Variants in KCMF1 observed in about 807,000 individuals in gnomAD.
KCMF1 encodes the protein E3 ubiquitin-protein ligase KCMF1.
Under a neutral mutation model 41.1 loss-of-function variants are expected in KCMF1, and 3 were observed. That is an observed-to-expected ratio of 0.07 (90% CI 0.03 to 0.19). KCMF1 has a LOEUF of 0.19. Ranked by LOEUF, KCMF1 falls within the 10% of genes least tolerant of loss-of-function variation. The probability of loss-of-function intolerance (pLI) is 1.00; values close to 1 mark genes in which losing one functional copy is unlikely to be tolerated. For missense variants in KCMF1, 286 were observed against 488.9 expected (o/e 0.58, Z 3.91); for synonymous variants, 142 against 164.5 (o/e 0.86, Z 1.04).
At chr2:85,046,051 A>AT (rs1217124716) in intron 4 of KCMF1, 53 bp from the exon 5 acceptor site, 30 of 1,459,140 alleles carry the variant, frequency 2.1e-5, no homozygotes, top group East Asian at 2.3e-5. Flanking sequence ...GACTCAGGTG[A>AT]TTTTTTTTCT....
intron 6 of KCMF1, 69 bp from the exon 7 acceptor site, chr2:85,053,079 G>A (rs1346582236): frequency 6.3e-6 from 9 of 1,420,822 alleles, no homozygotes; most frequent in African/African-American, 1.4e-5. Context: ...GGAGAGCACT[G>A]TAGAAATTGG....
chr2:85,027,501 A>G (rs1402529071), intron 1 of KCMF1, among the ~76,000 whole-genome samples: 4 of 150,176 alleles, frequency 2.7e-5, no homozygotes, highest in Admixed American at 6.7e-5. Flanking sequence ...CAGCCTCCCA[A>G]GTAGTTGGGA....
chr2:84,976,855 CT>C (rs1282729984), intron 1 of KCMF1, among the ~76,000 whole-genome samples: 2 of 151,852 alleles, frequency 1.3e-5, no homozygotes, highest in Non-Finnish European at 2.9e-5. Context: ...TTAGTCCCAA[CT>C]TTTTTTGTTT....
At chr2:85,040,493 C>T (rs1003015065) in intron 3 of KCMF1, among the ~76,000 whole-genome samples, 2 of 152,214 alleles carry the variant, frequency 1.3e-5, no homozygotes, top group African/African-American at 2.4e-5. Context: ...TCTCCTGCCC[C>T]GCTTTGCTCT....
chr2:84,982,406 T>TTTTTTTTTTTTTTTTTTTTTTTA (rs1673786258), intron 1 of KCMF1, among the ~76,000 whole-genome samples: 1 of 113,088 alleles, frequency 8.8e-6, no homozygotes, highest in Non-Finnish European at 1.9e-5. Flanking sequence ...TTTTTTTTTT[T>TTTTTTTTTTTTTTTTTTTTTTTA]TTTTTTTTTT....
intron 4 of KCMF1, among the ~76,000 whole-genome samples, chr2:85,044,178 C>T (rs1354208561): frequency 6.6e-6 from 1 of 152,086 alleles, no homozygotes; most frequent in Admixed American, 6.6e-5. Flanking sequence ...GCATTATTTG[C>T]TTTCCCTCTC....
chr2:85,059,080 A>AG lies in KCMF1; in HGVS notation c.*5673dup, dbSNP rs1404775073. 4 of 152,152 alleles carry AG rather than the reference A, an allele frequency of 2.6e-5. No homozygotes were observed. Among genetic ancestry groups the AG allele is most frequent in the African/African-American group, 9.7e-5 (4 of 41,444 alleles). 9.4% of individuals were successfully genotyped at this position (152,152 alleles called of 1,614,324 possible). ...CTCAGCCACTGTCGCTAGGGACTGA[A>AG]GGAGAGTTCATGGATTCTTACCCCC... On this transcript the variant is annotated 3_prime_UTR_variant, in exon 7 of 7. Coordinates refer to ENST00000409785, the MANE Select transcript of KCMF1 (RefSeq NM_020122.5).
At chr2:85,016,357 G>C (rs1008402817) in intron 1 of KCMF1, among the ~76,000 whole-genome samples, 1 of 151,874 alleles carries the variant, frequency 6.6e-6, no homozygotes, top group African/African-American at 2.4e-5. Flanking sequence ...AAAAATATGC[G>C]TATATAGAGT....
At chr2:84,980,611 A>G (rs1673710308) in intron 1 of KCMF1, among the ~76,000 whole-genome samples, 1 of 150,958 alleles carries the variant, frequency 6.6e-6, no homozygotes, top group Non-Finnish European at 1.5e-5. Context: ...AGTTCATCCA[A>G]TTCATATACA....
intron 4 of KCMF1, 130 bp from the exon 5 acceptor site, chr2:85,045,974 A>T: frequency 1.4e-6 from 1 of 729,368 alleles, no homozygotes; most frequent in East Asian, 2.7e-5. Context: ...GGACATTTGC[A>T]CTTTAAGTTA....
intron 1 of KCMF1, among the ~76,000 whole-genome samples, chr2:84,993,885 T>C (rs1011726104): frequency 1.4e-5 from 2 of 147,238 alleles, no homozygotes; most frequent in Admixed American, 6.9e-5. Context: ...CTACCCCCCA[T>C]TTTTGAGTTT....
intron 1 of KCMF1, among the ~76,000 whole-genome samples, chr2:85,008,335 AATATGATATATAATATATAAT>A (rs1674545110): frequency 6.7e-5 from 1 of 14,986 alleles, no homozygotes; most frequent in African/African-American, 1.1e-4. Context: ...TATAATATAT[AATATGATATATAATATATAAT>A]ATATATTATA....
intron 1 of KCMF1, among the ~76,000 whole-genome samples, chr2:84,979,216 C>G (rs1255953618): frequency 6.6e-6 from 1 of 152,066 alleles, no homozygotes; most frequent in African/African-American, 2.4e-5. Flanking sequence ...TTGAATTATC[C>G]TAGAAATAAT....
At chr2:85,047,355 T>C (rs1675693278) in intron 5 of KCMF1, among the ~76,000 whole-genome samples, 1 of 152,176 alleles carries the variant, frequency 6.6e-6, no homozygotes, top group African/African-American at 2.4e-5. Context: ...TGTGTAAAAT[T>C]CTGTCACAGA....
At chr2:85,022,248 G>C (rs569004802) in intron 1 of KCMF1, among the ~76,000 whole-genome samples, 1 of 152,262 alleles carries the variant, frequency 6.6e-6, no homozygotes, top group East Asian at 1.9e-4. Flanking sequence ...GACACAGGCA[G>C]ATTGCTTGAG....
chr2:85,008,200 T>C (rs1347503937), intron 1 of KCMF1, among the ~76,000 whole-genome samples: 1 of 144,292 alleles, frequency 6.9e-6, no homozygotes, highest in Non-Finnish European at 1.5e-5. Context: ...CGTAACCTTG[T>C]TTTATGTGTA....
rs1003484854 is a variant in KCMF1 at position 85,059,251 on chromosome 2, G to A, written c.*5842G>A. Reference sequence around the variant, plus strand: ...GCTAATTAGCAGTGTCTGTTGAATTGCCCTATCGGATAGCAGCCACCATGT... The same window carrying A: ...GCTAATTAGCAGTGTCTGTTGAATTACCCTATCGGATAGCAGCCACCATGT... On this transcript the variant is annotated 3_prime_UTR_variant, in exon 7 of 7. Coordinates refer to ENST00000409785, the MANE Select transcript of KCMF1 (RefSeq NM_020122.5). The A allele has an allele frequency of 6.6e-6, 1 of 152,138 alleles. No homozygotes were observed. The highest frequency in any genetic ancestry group is 2.4e-5 in the African/African-American group (1 of 41,426). 9.4% of individuals were successfully genotyped at this position (152,138 alleles called of 1,614,324 possible).
intron 1 of KCMF1, among the ~76,000 whole-genome samples, chr2:84,974,114 C>G (rs541744780): frequency 2.1e-3 from 323 of 152,272 alleles, no homozygotes; most frequent in Non-Finnish European, 3.5e-3. Flanking sequence ...AGGCGTGAGC[C>G]ACCACGCCCA....
At position 85,010,474 on chromosome 2, in the gene KCMF1, A is replaced by G. The variant is rs1004084914; in HGVS notation, c.17-17415A>G. Among the ~76,000 whole-genome samples, 5 of 152,310 alleles carry G rather than the reference A, an allele frequency of 3.3e-5. No individual in the cohort carries two copies. In the East Asian group the frequency reaches 9.6e-4, roughly 29 times the overall value. ...ACCAAATTGAGACTGTCTTCAATAA[A>G]AAAGACTGTTCTAGACCTTATTTTC... is the stretch of plus-strand genomic sequence containing the variant. On this transcript the variant is annotated intron_variant, in intron 1 of 6. Transcript: ENST00000409785.
Sources: allele counts gnomAD v4.1 joint callset (sites outside exome capture counted in the v4.1 genomes callset), GRCh38; gene constraint gnomAD v4.1.1; transcripts MANE v1.5; gene names NCBI Gene and HGNC (gene_info 2026-07-23, HGNC 2026-07-21).